RBMS3: variants seen among roughly 807,000 people sequenced by gnomAD.
The protein encoded by RBMS3 is RNA binding motif single stranded interacting protein 3, also known as RNA-binding motif, single-stranded-interacting protein 3.
A neutral mutation model predicts 66.8 loss-of-function variants in RBMS3; 27 were observed. The ratio of observed to expected loss-of-function variants is 0.40; its 90% CI spans 0.30 to 0.56. RBMS3 has a LOEUF of 0.56. Among genes scored for constraint, RBMS3 ranks in the 20% least tolerant of loss-of-function variants. The probability of loss-of-function intolerance (pLI) is 0.40; values close to 1 mark genes in which losing one functional copy is unlikely to be tolerated. For synonymous variants in RBMS3, 188 were observed against 183.0 expected, an observed-to-expected ratio of 1.03 and a Z score of -0.22; for missense variants, 513 against 549.5, an observed-to-expected ratio of 0.93 and a Z score of 0.66.
chr3:29,473,654 G>A (rs191610892), intron 2 of RBMS3, among the ~76,000 whole-genome samples: 1 of 152,366 alleles, frequency 6.6e-6, no homozygotes, highest in Non-Finnish European at 1.5e-5. Context: ...CCCTCGGGGA[G>A]GCAGCTAAGG....
chr3:29,996,255 A>T (rs1256718425), intron 14 of RBMS3, among the ~76,000 whole-genome samples: 6 of 151,736 alleles, frequency 4.0e-5, no homozygotes, highest in African/African-American at 1.5e-4. Flanking sequence ...CAGGAGCACC[A>T]AGATTCATAA....
At chr3:29,282,908 T>C (rs1439348279) in intron 1 of RBMS3, among the ~76,000 whole-genome samples, 8 of 152,198 alleles carry the variant, frequency 5.3e-5, no homozygotes, top group African/African-American at 1.9e-4. Flanking sequence ...TTCAGTATTA[T>C]ACAAAAGATT....
At position 29,856,536 on chromosome 3, in the gene RBMS3, A is replaced by G. The variant is rs12635532; in HGVS notation, c.638-12322A>G. Among the ~76,000 whole-genome samples the G allele has an allele frequency of 5.2e-3, 790 of 152,304 alleles. 23 individuals are homozygous for G. The highest frequency in any genetic ancestry group is 0.042 in the East Asian group (220 of 5,180). ...GGTGGGCATGTGGGTGATTAAAGTA[A>G]AATTTACACTTTAGAAAGGTCTATT... On this transcript the variant is annotated intron_variant, in intron 6 of 14. Transcript: ENST00000383767.
chr3:29,823,053 A>T (rs1039003417), intron 6 of RBMS3, among the ~76,000 whole-genome samples: 11 of 152,188 alleles, frequency 7.2e-5, no homozygotes, highest in East Asian at 1.9e-4. Flanking sequence ...TTACATTTTT[A>T]AATTCACATT....
intron 3 of RBMS3, among the ~76,000 whole-genome samples, chr3:29,581,877 C>T (rs1460908840): frequency 6.6e-6 from 1 of 152,110 alleles, no homozygotes; most frequent in Non-Finnish European, 1.5e-5. Context: ...TACTTTCCCC[C>T]AATACACCCC....
At chr3:29,691,309 A>C (rs2149273323) in intron 4 of RBMS3, among the ~76,000 whole-genome samples, 1 of 152,302 alleles carries the variant, frequency 6.6e-6, no homozygotes, top group South Asian at 2.1e-4. Context: ...AAATTGACTA[A>C]ATAATTATGG....
intron 1 of RBMS3, among the ~76,000 whole-genome samples, chr3:29,304,497 G>A (rs754040889): frequency 2.0e-5 from 3 of 151,848 alleles, no homozygotes; most frequent in African/African-American, 4.8e-5. Flanking sequence ...TCATGCTGAC[G>A]AAGTCCTGTG....
intron 3 of RBMS3, among the ~76,000 whole-genome samples, chr3:29,573,608 C>T (rs1048158118): frequency 2.6e-5 from 4 of 152,082 alleles, no homozygotes; most frequent in Non-Finnish European, 5.9e-5. Context: ...TCTAACTTTG[C>T]GTTTAAATCA....
chr3:29,988,814 A>G (rs1257019704), intron 13 of RBMS3, among the ~76,000 whole-genome samples: 1 of 152,212 alleles, frequency 6.6e-6, no homozygotes, highest in Non-Finnish European at 1.5e-5. Flanking sequence ...GTAGACTTTT[A>G]GGTACTATCC....
chr3:29,734,335 A>T (rs2054281411), intron 4 of RBMS3, among the ~76,000 whole-genome samples: 1 of 152,078 alleles, frequency 6.6e-6, no homozygotes, highest in Admixed American at 6.5e-5. Flanking sequence ...GTTTTATGGC[A>T]CTGTAGGATG....
At chr3:29,574,592 C>T (rs188521526) in intron 3 of RBMS3, among the ~76,000 whole-genome samples, 252 of 152,050 alleles carry the variant, frequency 1.7e-3, no homozygotes, top group Non-Finnish European at 2.7e-3. Flanking sequence ...TTATTCTTTC[C>T]GTTTTGCTAT....
chr3:29,693,258 GTACAGAGCAAATTCAGACTAA>G (rs1448428730), intron 4 of RBMS3, among the ~76,000 whole-genome samples: 2 of 152,136 alleles, frequency 1.3e-5, no homozygotes, highest in East Asian at 3.8e-4. Context: ...GTGTGATGCT[GTACAGAGCAAATTCAGACTAA>G]TACATAGACC....
intron 12 of RBMS3, among the ~76,000 whole-genome samples, chr3:29,945,601 T>A (rs1366494945): frequency 6.6e-6 from 1 of 151,732 alleles, no homozygotes; most frequent in African/African-American, 2.4e-5. Context: ...TTTAACAAGA[T>A]ACATCTACTC....
Position 29,962,059 on chromosome 3 carries a change from T to A in RBMS3, c.1098+17805T>A, listed in dbSNP as rs1314402654. ...ATAATATATTATATATGTGTATATA[T>A]AATATATTATTATATATTGTATATA... On this transcript the variant is annotated intron_variant, in intron 12 of 14. Transcript: ENST00000383767. Among the ~76,000 whole-genome samples the A allele has an allele frequency of 3.4e-5, 5 of 145,742 alleles. No homozygotes were observed. In the Admixed American group the frequency reaches 3.5e-4, roughly 10 times the overall value.
Position 29,295,346 on chromosome 3 carries a change from C to CAT in RBMS3, c.75+13600_75+13601dup, listed in dbSNP as rs201617597. 8.9e-4 allele frequency among the ~76,000 whole-genome samples: 111 copies of CAT among 124,616 alleles called. 3 individuals carry two copies. The highest frequency in any genetic ancestry group is 2.6e-3 in the South Asian group (10 of 3,796). The allele number at this position is 124,616 out of a possible 152,430, so 81.8% of individuals were successfully genotyped here. On this transcript the variant is annotated intron_variant, in intron 1 of 14. Coordinates refer to ENST00000383767, the MANE Select transcript of RBMS3 (RefSeq NM_001003793.3). ...ATATATACACACACATATATATATA[C>CAT]ATATATATATACACACACATATATA...
intron 12 of RBMS3, among the ~76,000 whole-genome samples, chr3:29,972,187 T>G (rs570790326): frequency 1.3e-5 from 2 of 151,132 alleles, no homozygotes; most frequent in South Asian, 4.2e-4. Context: ...TCCTTTCTAT[T>G]TTTTTTTTGC....
chr3:29,998,166 T>G (rs190184263), intron 14 of RBMS3, among the ~76,000 whole-genome samples: 1 of 152,252 alleles, frequency 6.6e-6, no homozygotes, highest in South Asian at 2.1e-4. Flanking sequence ...CCATTCACAA[T>G]TGCTTCAAAG....
chr3:29,781,181 C>T lies in RBMS3; in HGVS notation c.637+18192C>T, dbSNP rs558840648. ...CATTGTGTTCTTATAATCTCCCTTT[C>T]GCTTCCCCATTGTGGTCAAGCCCTC... is the stretch of plus-strand genomic sequence containing the variant. On this transcript the variant is annotated intron_variant, in intron 6 of 14. Transcript: ENST00000383767. Among the ~76,000 whole-genome samples, 3 of 142,916 alleles carry T rather than the reference C, an allele frequency of 2.1e-5. No homozygotes were observed. In the South Asian group the frequency reaches 7.1e-4, roughly 34 times the overall value. 93.8% of individuals were successfully genotyped at this position (142,916 alleles called of 152,430 possible).
intron 4 of RBMS3, among the ~76,000 whole-genome samples, chr3:29,608,371 G>A (rs1440724502): frequency 6.6e-6 from 1 of 151,882 alleles, no homozygotes. Context: ...AAAACTTAGT[G>A]TAATAAAGCT....
Sources: gnomAD v4.1 joint callset for allele counts (sites outside exome capture counted in the v4.1 genomes callset) on GRCh38, gnomAD v4.1.1 for gene constraint, MANE v1.5 for transcripts, NCBI Gene and HGNC (gene_info 2026-07-23, HGNC 2026-07-21) for gene names.